The following PSD3 variants were observed in gnomAD, a reference collection of about 807,000 sequenced individuals.
The protein encoded by PSD3 is pleckstrin and Sec7 domain containing 3.
A neutral mutation model predicts 105.5 loss-of-function variants in PSD3; 49 were observed. That is an observed-to-expected ratio of 0.46 (90% confidence interval 0.37 to 0.59). The LOEUF is 0.59. Ranked by LOEUF, PSD3 falls within the 20% of genes least tolerant of loss-of-function variation. PSD3 has a pLI of 0.00. For missense variants in PSD3, 1,561 were observed against 1,263.8 expected, an observed-to-expected ratio of 1.24 and a Z score of -3.57; for synonymous variants, 557 against 457.8, an observed-to-expected ratio of 1.22 and a Z score of -2.77.
intron 15 of PSD3, among the ~76,000 whole-genome samples, chr8:18,541,236 G>T (rs984088375): frequency 6.7e-6 from 1 of 149,862 alleles, no homozygotes; most frequent in Non-Finnish European, 1.5e-5. Context: ...AGGACTTTGC[G>T]TTTGTTTACT....
intron 1 of PSD3, among the ~76,000 whole-genome samples, chr8:18,961,462 G>A (rs751898370): frequency 3.7e-4 from 56 of 152,318 alleles, no homozygotes; most frequent in Admixed American, 5.9e-4. Context: ...GCCAAGGCGG[G>A]CGGATCATCT....
intron 14 of PSD3, chr8:18,557,397 A>C (rs886720281): frequency 6.6e-6 from 1 of 152,638 alleles, no homozygotes; most frequent in Non-Finnish European, 1.5e-5. Flanking sequence ...GTAAATTACA[A>C]ATATATAATA....
intron 9 of PSD3, among the ~76,000 whole-genome samples, chr8:18,660,832 C>G (rs996502884): frequency 3.3e-5 from 5 of 152,218 alleles, no homozygotes; most frequent in African/African-American, 4.8e-5. Flanking sequence ...ACATACCTCT[C>G]TCGACACTAG....
intron 9 of PSD3, among the ~76,000 whole-genome samples, chr8:18,738,022 T>C (rs1804280533): frequency 6.6e-6 from 1 of 152,182 alleles, no homozygotes; most frequent in Non-Finnish European, 1.5e-5. Flanking sequence ...CTTTGCTAGA[T>C]TTTAAAAGTC....
intron 15 of PSD3, among the ~76,000 whole-genome samples, chr8:18,555,530 G>C (rs187281138): frequency 6.6e-6 from 1 of 152,150 alleles, no homozygotes; most frequent in Admixed American, 6.5e-5. Context: ...CACTTTAAAT[G>C]TCTGAAGGCA....
chr8:18,730,495 A>T (rs1803662125), intron 9 of PSD3, among the ~76,000 whole-genome samples: 1 of 152,226 alleles, frequency 6.6e-6, no homozygotes, highest in Admixed American at 6.5e-5. Flanking sequence ...TAGCAATCTG[A>T]TCTTTAACGA....
chr8:18,865,235 T>C (rs1816741581), intron 4 of PSD3: 4 of 4,218 alleles, frequency 9.5e-4, no homozygotes, highest in East Asian at 0.012. Context: ...TATATATATA[T>C]ATATATATAT....
At chr8:18,759,249 A>T (rs1198860591) in intron 9 of PSD3, among the ~76,000 whole-genome samples, 2 of 152,104 alleles carry the variant, frequency 1.3e-5, no homozygotes, top group East Asian at 3.8e-4. Context: ...TCAAACATCT[A>T]ATAGCAAGCA....
chr8:18,588,848 A>G (rs894608759), intron 12 of PSD3, among the ~76,000 whole-genome samples: 13 of 152,214 alleles, frequency 8.5e-5, no homozygotes, highest in African/African-American at 2.7e-4. Flanking sequence ...CCTTTGAAAC[A>G]GCATCTTTCT....
In PSD3 at chr8:18,825,024, A is replaced by AT. The variant is rs1249772438; in HGVS notation, c.1635-20127dup. Among the ~76,000 whole-genome samples, 3 of 152,306 alleles carry AT rather than the reference A, an allele frequency of 2.0e-5. No homozygotes were observed. The East Asian group carries it at 5.8e-4, about 29-fold the overall frequency. ...ACATACAATGTTTTAACTTTCCAGC[A>AT]TTTCTCAGATTTATTTGACTATGAA... On this transcript the variant is annotated intron_variant, in intron 4 of 15. Coordinates refer to ENST00000327040, the MANE Select transcript of PSD3 (RefSeq NM_015310.4).
At chr8:18,564,628 CAA>C (rs59766811) in intron 14 of PSD3, among the ~76,000 whole-genome samples, 8,608 of 112,214 alleles carry the variant, frequency 0.077, 317 homozygotes, top group African/African-American at 0.14. Context: ...GACCTTGTCT[CAA>C]AAAAAAAAAA....
chr8:18,861,469 C>T (rs529000181), intron 4 of PSD3, among the ~76,000 whole-genome samples: 3 of 152,216 alleles, frequency 2.0e-5, no homozygotes, highest in Non-Finnish European at 4.4e-5. Flanking sequence ...GTCCCATATT[C>T]CCACCAGCAC....
rs144979977 is a variant in PSD3, at chr8:18,973,524, A to G, written c.22-37382T>C. Among the ~76,000 whole-genome samples, 208 of 152,194 alleles carry G rather than the reference A, an allele frequency of 1.4e-3. 1 individual carries two copies. Among genetic ancestry groups the G allele is most frequent in the African/African-American group, 4.8e-3 (199 of 41,530 alleles). ...CTCTTCTTGGAAGAACACCAGTCCT[A>G]CTGGATTAGGGGCCCATCCTTATGA... On this transcript the variant is annotated intron_variant, in intron 1 of 15. Coordinates refer to ENST00000327040, the MANE Select transcript of PSD3 (RefSeq NM_015310.4).
chr8:19,013,680 C>G lies in PSD3; in HGVS notation c.-97G>C. ...GTGCCGGCGGCCAGCGCCGCGTGCT[C>G]TTTGTTGAGCTCCCGGGACTGCCGA... On this transcript the variant is annotated 5_prime_UTR_variant, in exon 1 of 16. Coordinates refer to ENST00000327040, the MANE Select transcript of PSD3 (RefSeq NM_015310.4). 9.2e-7 allele frequency: 1 copy of G among 1,082,772 alleles called. No individual in the cohort carries two copies. Among genetic ancestry groups the G allele is most frequent in the Non-Finnish European group, 1.2e-6 (1 of 865,100 alleles). The allele number at this position is 1,082,772 out of a possible 1,614,324, so 67.1% of individuals were successfully genotyped here.
chr8:18,666,726 G>T (rs547206351), intron 9 of PSD3, among the ~76,000 whole-genome samples: 7 of 147,484 alleles, frequency 4.7e-5, no homozygotes, highest in African/African-American at 1.6e-4. Context: ...CTTTTTTTTG[G>T]GGGGTGGGGG....
chr8:19,072,414 T>C (rs1829302294), intron 1 of PSD3, among the ~76,000 whole-genome samples: 1 of 152,202 alleles, frequency 6.6e-6, no homozygotes, highest in Non-Finnish European at 1.5e-5. Context: ...TAAGCCTCAA[T>C]AATACTCTTG....
At chr8:18,549,247 T>A (rs1293121455) in intron 15 of PSD3, among the ~76,000 whole-genome samples, 1 of 150,960 alleles carries the variant, frequency 6.6e-6, no homozygotes, top group African/African-American at 2.4e-5. Flanking sequence ...AATGGCATGA[T>A]CTCGGCTCAC....
chr8:18,986,342 C>A (rs866325275), intron 1 of PSD3, among the ~76,000 whole-genome samples: 9 of 152,006 alleles, frequency 5.9e-5, no homozygotes, highest in Admixed American at 2.0e-4. Flanking sequence ...TTTTATTTTG[C>A]CTTTACTGTC....
intron 1 of PSD3, among the ~76,000 whole-genome samples, chr8:19,027,981 C>A (rs919186605): frequency 2.0e-5 from 3 of 152,156 alleles, no homozygotes; most frequent in Non-Finnish European, 2.9e-5. Flanking sequence ...ATGGTTAATG[C>A]ATGTTTAACT....
Sources: allele counts gnomAD v4.1 joint callset (sites outside exome capture counted in the v4.1 genomes callset), GRCh38; gene constraint gnomAD v4.1.1; transcripts MANE v1.5; gene names NCBI Gene and HGNC (gene_info 2026-07-23, HGNC 2026-07-21).